Variants in SRBD1 observed in about 807,000 individuals in gnomAD.
The protein encoded by SRBD1 is S1 RNA binding domain 1, also known as S1 RNA-binding domain-containing protein 1.
SRBD1 carries 88 observed loss-of-function variants against 115.3 expected under a neutral mutation model. That is an observed-to-expected ratio of 0.76 (90% CI 0.64 to 0.91). The LOEUF is 0.91. Ranked by LOEUF, SRBD1 falls within the 40% of genes least tolerant of loss-of-function variation. The pLI is 0.00. For synonymous variants in SRBD1, 509 were observed against 407.7 expected (o/e 1.25, Z -2.99); for missense variants, 1,385 against 1,177.4 (o/e 1.18, Z -2.58).
intron 19 of SRBD1, among the ~76,000 whole-genome samples, chr2:45,393,671 C>T (rs1003812287): frequency 2.6e-5 from 4 of 152,182 alleles, no homozygotes; most frequent in East Asian, 1.9e-4. Flanking sequence ...TAAGCCACTG[C>T]GTCCAGCCAA....
intron 14 of SRBD1, among the ~76,000 whole-genome samples, chr2:45,500,129 A>C (rs992467329): frequency 6.6e-6 from 1 of 152,172 alleles, no homozygotes; most frequent in Non-Finnish European, 1.5e-5. Context: ...ATCTAGGAGC[A>C]TGGAATATTA....
intron 14 of SRBD1, among the ~76,000 whole-genome samples, chr2:45,525,812 T>C (rs565907235): frequency 1.6e-4 from 25 of 151,928 alleles, no homozygotes; most frequent in African/African-American, 5.8e-4. Flanking sequence ...GAGCAAAGAA[T>C]ATGAATAGAC....
intron 14 of SRBD1, among the ~76,000 whole-genome samples, chr2:45,504,931 C>A (rs1402132379): frequency 3.9e-5 from 6 of 152,086 alleles, no homozygotes; most frequent in African/African-American, 1.2e-4. Context: ...TGGGAACACA[C>A]CGCCAACCCT....
chr2:45,542,989 C>A (rs567327316), intron 14 of SRBD1, among the ~76,000 whole-genome samples: 1 of 152,284 alleles, frequency 6.6e-6, no homozygotes, highest in East Asian at 1.9e-4. Flanking sequence ...CTAAAAAACA[C>A]AAACTAATGT....
At chr2:45,503,406 T>C (rs1670698401) in intron 14 of SRBD1, among the ~76,000 whole-genome samples, 1 of 152,318 alleles carries the variant, frequency 6.6e-6, no homozygotes, top group Non-Finnish European at 1.5e-5. Context: ...ATCCTACTTA[T>C]GAAAAATATA....
At chr2:45,545,003 G>A (rs547479724) in intron 14 of SRBD1, among the ~76,000 whole-genome samples, 64 of 152,154 alleles carry the variant, frequency 4.2e-4, no homozygotes, top group Middle Eastern at 3.4e-3. Flanking sequence ...AGATGAGGCC[G>A]GGCGCGGTGG....
chr2:45,505,140 T>C (rs868567538), intron 14 of SRBD1, among the ~76,000 whole-genome samples: 2 of 152,112 alleles, frequency 1.3e-5, no homozygotes, highest in African/African-American at 4.8e-5. Context: ...TATGAACAAA[T>C]GCCCTCAGCC....
chr2:45,419,301 T>C (rs534489232), intron 17 of SRBD1, among the ~76,000 whole-genome samples: 1 of 152,188 alleles, frequency 6.6e-6, no homozygotes, highest in Non-Finnish European at 1.5e-5. Flanking sequence ...TCTAAAACCA[T>C]GGGGGAAAAG....
intron 14 of SRBD1, among the ~76,000 whole-genome samples, chr2:45,517,389 G>A (rs879456226): frequency 1.3e-5 from 2 of 152,088 alleles, no homozygotes; most frequent in Non-Finnish European, 2.9e-5. Context: ...ATAACATGTT[G>A]TGGTAACAAA....
chr2:45,466,228 G>A (rs893363681), intron 16 of SRBD1, among the ~76,000 whole-genome samples: 1 of 152,090 alleles, frequency 6.6e-6, no homozygotes, highest in Non-Finnish European at 1.5e-5. Flanking sequence ...AAATGTAGGG[G>A]AACAACTCCT....
chr2:45,511,622 C>T (rs1442962110), intron 14 of SRBD1, among the ~76,000 whole-genome samples: 6 of 152,170 alleles, frequency 3.9e-5, no homozygotes, highest in Non-Finnish European at 8.8e-5. Context: ...CTAGAGTGAT[C>T]AAAGTTTCAA....
chr2:45,562,797 T>G (rs199818948), intron 9 of SRBD1, 41 bp from the exon 10 acceptor site: 1 of 1,377,756 alleles, frequency 7.3e-7, no homozygotes, highest in South Asian at 1.3e-5. Context: ...ATCCACAAAA[T>G]ATATGAAACA....
intron 14 of SRBD1, among the ~76,000 whole-genome samples, chr2:45,507,127 T>C (rs1051726647): frequency 6.6e-6 from 1 of 152,174 alleles, no homozygotes; most frequent in Non-Finnish European, 1.5e-5. Context: ...TTGCTTAAGA[T>C]CATGAAAATG....
chr2:45,430,805 A>G (rs998079253), intron 16 of SRBD1, among the ~76,000 whole-genome samples: 1 of 152,260 alleles, frequency 6.6e-6, no homozygotes, highest in Admixed American at 6.5e-5. Context: ...GGATCTAACT[A>G]AACTAAAGAG....
At chr2:45,405,487 G>C (rs1667405661) in intron 19 of SRBD1, among the ~76,000 whole-genome samples, 2 of 152,282 alleles carry the variant, frequency 1.3e-5, no homozygotes, top group Admixed American at 1.3e-4. Context: ...CAAATGGAAA[G>C]GTTGGGCTAG....
intron 19 of SRBD1, among the ~76,000 whole-genome samples, chr2:45,397,800 T>G (rs921715159): frequency 1.3e-5 from 2 of 152,118 alleles, no homozygotes; most frequent in Non-Finnish European, 1.5e-5. Flanking sequence ...GGTCTCAATA[T>G]GTTGCCCAGG....
chr2:45,587,432 T>C (rs1673583041), intron 4 of SRBD1, among the ~76,000 whole-genome samples: 1 of 152,156 alleles, frequency 6.6e-6, no homozygotes, highest in Admixed American at 6.6e-5. Flanking sequence ...AATCCAATTT[T>C]AGTAGCTTCC....
chr2:45,443,501 T>C (rs1309595067), intron 16 of SRBD1, among the ~76,000 whole-genome samples: 2 of 152,088 alleles, frequency 1.3e-5, no homozygotes, highest in Admixed American at 6.6e-5. Context: ...TTTCTAGACA[T>C]GTTAAGTTTG....
At chr2:45,407,140 G>A (rs1453396525) in intron 19 of SRBD1, among the ~76,000 whole-genome samples, 1 of 152,160 alleles carries the variant, frequency 6.6e-6, no homozygotes, top group Non-Finnish European at 1.5e-5. Flanking sequence ...CTGTATACCT[G>A]AAGAAGTGGG....
Sources: allele counts gnomAD v4.1 joint callset (sites outside exome capture counted in the v4.1 genomes callset), GRCh38; gene constraint gnomAD v4.1.1; transcripts MANE v1.5; gene names NCBI Gene and HGNC (gene_info 2026-07-23, HGNC 2026-07-21).